CPNE8: variants seen among roughly 807,000 people sequenced by gnomAD.
CPNE8 encodes copine-8.
Under a neutral mutation model 81.5 loss-of-function variants are expected in CPNE8, and 45 were observed. The ratio of observed to expected loss-of-function variants is 0.55; its 90% confidence interval spans 0.44 to 0.71. The LOEUF is 0.71. CPNE8 is among the 30% of genes least tolerant of loss of function. CPNE8 has a pLI of 0.00. For synonymous variants in CPNE8, 252 were observed against 226.3 expected (o/e 1.11, Z -1.02); for missense variants, 594 against 672.1 (o/e 0.88, Z 1.28).
chr12:38,674,279 C>T (rs960186662), intron 18 of CPNE8, among the ~76,000 whole-genome samples: 1 of 152,020 alleles, frequency 6.6e-6, no homozygotes, highest in Non-Finnish European at 1.5e-5. Context: ...TGTGGGAGCT[C>T]TCAAAGAAAA....
At chr12:38,766,763 A>G (rs1941698818) in intron 8 of CPNE8, among the ~76,000 whole-genome samples, 1 of 152,146 alleles carries the variant, frequency 6.6e-6, no homozygotes, top group Admixed American at 6.5e-5. Context: ...CACATAGTTA[A>G]AAAAACAAAA....
intron 5 of CPNE8, among the ~76,000 whole-genome samples, chr12:38,830,756 A>C (rs1458890358): frequency 6.6e-6 from 1 of 152,180 alleles, no homozygotes; most frequent in African/African-American, 2.4e-5. Context: ...AAAAAAGCCA[A>C]CCTATGGTGA....
chr12:38,775,921 A>G (rs1414657095), intron 7 of CPNE8, among the ~76,000 whole-genome samples: 1 of 152,196 alleles, frequency 6.6e-6, no homozygotes. Flanking sequence ...ACTGCAAAAA[A>G]GTTTGCAGTA....
intron 1 of CPNE8, among the ~76,000 whole-genome samples, chr12:38,896,338 G>C (rs1944388806): frequency 6.6e-6 from 1 of 152,052 alleles, no homozygotes; most frequent in Admixed American, 6.6e-5. Context: ...AATGGTCCTG[G>C]CTGGAGAGGC....
At chr12:38,875,990 T>G (rs1471783386) in intron 1 of CPNE8, among the ~76,000 whole-genome samples, 1 of 152,182 alleles carries the variant, frequency 6.6e-6, no homozygotes, top group Non-Finnish European at 1.5e-5. Context: ...CTTTTGCTCA[T>G]TAGGTATCCT....
intron 6 of CPNE8, among the ~76,000 whole-genome samples, chr12:38,823,695 T>C (rs1943143598): frequency 6.6e-6 from 1 of 152,126 alleles, no homozygotes. Context: ...CAGGAACAAA[T>C]AGGCCTATTA....
At chr12:38,698,664 G>C (rs1480410820) in intron 14 of CPNE8, among the ~76,000 whole-genome samples, 1 of 152,124 alleles carries the variant, frequency 6.6e-6, no homozygotes, top group Non-Finnish European at 1.5e-5. Context: ...GTCTTCCCCC[G>C]TTGCATTGTT....
chr12:38,790,833 G>T (rs1225777729), intron 6 of CPNE8, among the ~76,000 whole-genome samples: 2 of 151,640 alleles, frequency 1.3e-5, no homozygotes, highest in Non-Finnish European at 3.0e-5. Context: ...TGGATAATTT[G>T]TTTTTTGTGT....
intron 6 of CPNE8, among the ~76,000 whole-genome samples, chr12:38,790,058 T>A (rs1420770281): frequency 6.6e-6 from 1 of 151,712 alleles, no homozygotes; most frequent in Non-Finnish European, 1.5e-5. Context: ...AAACTAAAGA[T>A]AGAGCTATCG....
rs150465336 is a variant in CPNE8, at chr12:38,735,296, C to T, written c.723-4938G>A. ...TGGACTGAAATGTAGTTATGATGAC[C>T]CTAATTAAACGCATGGGTTGCAGAC... On this transcript the variant is annotated intron_variant, in intron 10 of 19. Coordinates refer to ENST00000331366, the MANE Select transcript of CPNE8 (RefSeq NM_153634.3). 5.9e-3 allele frequency among the ~76,000 whole-genome samples: 896 copies of T among 151,986 alleles called. 5 individuals carry two copies. Among genetic ancestry groups the T allele is most frequent in the Middle Eastern group, 0.01 (3 of 294 alleles).
chr12:38,863,192 A>C (rs1357388607), intron 3 of CPNE8, among the ~76,000 whole-genome samples: 1 of 152,254 alleles, frequency 6.6e-6, no homozygotes, highest in Non-Finnish European at 1.5e-5. Flanking sequence ...ATACGTGCGT[A>C]TTACAAGCAG....
At chr12:38,716,137 A>G (rs1160247067) in intron 13 of CPNE8, among the ~76,000 whole-genome samples, 2 of 152,182 alleles carry the variant, frequency 1.3e-5, no homozygotes, top group African/African-American at 4.8e-5. Context: ...ACACTGCTGA[A>G]AGAAATCATA....
At chr12:38,729,635 A>G (rs1250860674) in intron 11 of CPNE8, among the ~76,000 whole-genome samples, 1 of 152,072 alleles carries the variant, frequency 6.6e-6, no homozygotes, top group African/African-American at 2.4e-5. Context: ...ACCATTCTTG[A>G]TTAAATACTG....
At chr12:38,843,206 C>A (rs1447228823) in intron 4 of CPNE8, among the ~76,000 whole-genome samples, 1 of 151,906 alleles carries the variant, frequency 6.6e-6, no homozygotes, top group Non-Finnish European at 1.5e-5. Flanking sequence ...ATTTGGGTGC[C>A]CCTTAGGATT....
chr12:38,661,596 A>T (rs1938954007), intron 19 of CPNE8, among the ~76,000 whole-genome samples: 1 of 152,128 alleles, frequency 6.6e-6, no homozygotes. Context: ...CTTGAAGTAT[A>T]ATAAAAATAA....
At chr12:38,758,938 G>A (rs557404128) in intron 10 of CPNE8, among the ~76,000 whole-genome samples, 33 of 152,228 alleles carry the variant, frequency 2.2e-4, no homozygotes, top group African/African-American at 6.5e-4. Flanking sequence ...AGGATTGAAC[G>A]TCTATGGATG....
intron 1 of CPNE8, among the ~76,000 whole-genome samples, chr12:38,884,670 T>C (rs1944213306): frequency 6.6e-6 from 1 of 152,230 alleles, no homozygotes. Context: ...ATTGTTCCAA[T>C]TTCTCCACAT....
rs78846265 is a variant in CPNE8, at chr12:38,743,401, C to A, written c.723-13043G>T. Among the ~76,000 whole-genome samples, 13 of 152,086 alleles carry A rather than the reference C, an allele frequency of 8.5e-5. No homozygotes were observed. In the East Asian group the frequency reaches 2.3e-3, roughly 27 times the overall value. On this transcript the variant is annotated intron_variant, in intron 10 of 19. Coordinates refer to ENST00000331366, the MANE Select transcript of CPNE8 (RefSeq NM_153634.3). Reference sequence around the variant, plus strand: ...TGCTCTAATTTTTAGTGGCATAAATCTTAATGTAGACTATATTATCTGGTT... The same window carrying A: ...TGCTCTAATTTTTAGTGGCATAAATATTAATGTAGACTATATTATCTGGTT...
intron 13 of CPNE8, among the ~76,000 whole-genome samples, chr12:38,706,977 T>C (rs1245346765): frequency 6.6e-6 from 1 of 152,126 alleles, no homozygotes; most frequent in Non-Finnish European, 1.5e-5. Flanking sequence ...CAAAGAAAAG[T>C]TATGGCTATT....
Sources: gnomAD v4.1 joint callset for allele counts (sites outside exome capture counted in the v4.1 genomes callset) on GRCh38, gnomAD v4.1.1 for gene constraint, MANE v1.5 for transcripts, NCBI Gene and HGNC (gene_info 2026-07-23, HGNC 2026-07-21) for gene names.